PPP1R1C: variants seen among roughly 807,000 people sequenced by gnomAD.
PPP1R1C encodes the protein protein phosphatase 1 regulatory inhibitor subunit 1C, also known as protein phosphatase 1 regulatory subunit 1C.
Under a neutral mutation model 17.4 loss-of-function variants are expected in PPP1R1C, and 15 were observed. The ratio of observed to expected loss-of-function variants is 0.86; its 90% confidence interval spans 0.58 to 1.33. The LOEUF is 1.33. Ranked by LOEUF, PPP1R1C falls within the 40% of genes most tolerant of loss-of-function variation. The pLI, the probability that PPP1R1C is intolerant of heterozygous loss-of-function variation, is 0.00. For synonymous variants in PPP1R1C, 35 were observed against 43.1 expected, an observed-to-expected ratio of 0.81 and a Z score of 0.73; for missense variants, 143 against 130.0, an observed-to-expected ratio of 1.10 and a Z score of -0.48.
At chr2:182,067,863 G>A (rs1219083026) in intron 4 of PPP1R1C, among the ~76,000 whole-genome samples, 1 of 152,040 alleles carries the variant, frequency 6.6e-6, no homozygotes, top group South Asian at 2.1e-4. Context: ...ATTAGTTTCG[G>A]ACACTCAGAG....
At chr2:182,024,458 A>G (rs1483604505) in intron 2 of PPP1R1C, among the ~76,000 whole-genome samples, 2 of 151,816 alleles carry the variant, frequency 1.3e-5, no homozygotes, top group Non-Finnish European at 2.9e-5. Context: ...AATATTCTCT[A>G]TTTTTTCACA....
At chr2:182,121,724 G>C (rs184553613), downstream of PPP1R1C, among the ~76,000 whole-genome samples, 6 of 151,896 alleles carry the variant, frequency 4.0e-5, no homozygotes, top group African/African-American at 1.5e-4. Context: ...GGATGGTCTC[G>C]ATATCCTGAC....
At chr2:182,085,803 C>T (rs921336334) in intron 4 of PPP1R1C, among the ~76,000 whole-genome samples, 3 of 151,998 alleles carry the variant, frequency 2.0e-5, no homozygotes, top group Admixed American at 6.6e-5. Flanking sequence ...TAAAATGGGG[C>T]GGGTGAGCAG....
chr2:182,005,968 G>A (rs752588846), intron 2 of PPP1R1C, among the ~76,000 whole-genome samples: 38 of 152,280 alleles, frequency 2.5e-4, no homozygotes, highest in African/African-American at 7.9e-4. Flanking sequence ...TGGCATCACA[G>A]TATTAGAGCC....
chr2:182,048,377 A>G (rs893504797), intron 2 of PPP1R1C, among the ~76,000 whole-genome samples: 2 of 152,170 alleles, frequency 1.3e-5, no homozygotes, highest in African/African-American at 4.8e-5. Context: ...TGGAAAGGGG[A>G]GAGTTTGATA....
At chr2:182,033,281 C>T (rs1316651509) in intron 2 of PPP1R1C, among the ~76,000 whole-genome samples, 3 of 152,170 alleles carry the variant, frequency 2.0e-5, no homozygotes, top group Non-Finnish European at 4.4e-5. Context: ...GACACCTATA[C>T]TTACTCTCTT....
At chr2:182,060,336 A>T (rs1374075788) in intron 2 of PPP1R1C, among the ~76,000 whole-genome samples, 1 of 151,960 alleles carries the variant, frequency 6.6e-6, no homozygotes, top group Admixed American at 6.6e-5. Context: ...TTATAGAGAA[A>T]TTCTACTACA....
chr2:182,130,678 A>G (rs1378854655), downstream of PPP1R1C: 1 of 152,140 alleles, frequency 6.6e-6, no homozygotes, highest in Non-Finnish European at 1.5e-5. Flanking sequence ...TGCAGCATAT[A>G]TTCTGTGGAT....
chr2:182,021,323 T>TC (rs1686419249), intron 2 of PPP1R1C, among the ~76,000 whole-genome samples: 1 of 5,130 alleles, frequency 1.9e-4, no homozygotes, highest in Non-Finnish European at 5.3e-4. Flanking sequence ...CTCTCTCTCT[T>TC]TTTTTTTTTT....
At chr2:182,096,399 T>C (rs1688937978) in intron 4 of PPP1R1C, among the ~76,000 whole-genome samples, 1 of 152,194 alleles carries the variant, frequency 6.6e-6, no homozygotes, top group East Asian at 1.9e-4. Context: ...TCTGTGGATT[T>C]CTGATTCGTT....
intron 2 of PPP1R1C, among the ~76,000 whole-genome samples, chr2:181,977,298 A>G (rs1685111354): frequency 6.6e-6 from 1 of 151,946 alleles, no homozygotes; most frequent in African/African-American, 2.4e-5. Context: ...TGCTGATCAC[A>G]TGTTTCCTAA....
At chr2:182,127,929 C>A (rs924765401) in intron 5 of PPP1R1C, among the ~76,000 whole-genome samples, 1 of 151,970 alleles carries the variant, frequency 6.6e-6, no homozygotes, top group Non-Finnish European at 1.5e-5. Context: ...ATTCTGTAGA[C>A]ATTTTTGCCA....
intron 4 of PPP1R1C, among the ~76,000 whole-genome samples, chr2:182,069,777 C>G (rs554305721): frequency 6.6e-6 from 1 of 152,238 alleles, no homozygotes; most frequent in African/African-American, 2.4e-5. Flanking sequence ...AACATAACAG[C>G]TTTTAAAATT....
intron 2 of PPP1R1C, among the ~76,000 whole-genome samples, chr2:182,014,224 A>G (rs1686182688): frequency 6.6e-6 from 1 of 152,114 alleles, no homozygotes; most frequent in African/African-American, 2.4e-5. Context: ...GTTGTTATCT[A>G]CCTGGTCACT....
intron 2 of PPP1R1C, among the ~76,000 whole-genome samples, chr2:182,012,527 C>T (rs1210070196): frequency 6.6e-6 from 1 of 151,898 alleles, no homozygotes; most frequent in African/African-American, 2.4e-5. Context: ...TTCTTGTAGG[C>T]AACATAGTTG....
chr2:182,070,380 A>T lies in PPP1R1C; in HGVS notation c.241+6589A>T, dbSNP rs113343533. 2.2e-4 allele frequency among the ~76,000 whole-genome samples: 34 copies of T among 152,344 alleles called. 3 individuals are homozygous for T. The highest frequency in any genetic ancestry group is 3.4e-3 in the Middle Eastern group (1 of 294). On this transcript the variant is annotated intron_variant, in intron 4 of 4. Coordinates refer to ENST00000682840, the MANE Select transcript of PPP1R1C (RefSeq NM_001080545.3). ...AGACTAAATAGGTCTCATTAATGGGACTATGTAGATAATATCACTTTCCAA... is the reference window on the plus strand; with the variant it reads ...AGACTAAATAGGTCTCATTAATGGGTCTATGTAGATAATATCACTTTCCAA...
intron 2 of PPP1R1C, among the ~76,000 whole-genome samples, chr2:181,988,328 T>C (rs967672590): frequency 6.6e-6 from 1 of 152,262 alleles, no homozygotes; most frequent in Non-Finnish European, 1.5e-5. Flanking sequence ...TGACCCAGCG[T>C]TGGCTTCAGC....
chr2:181,962,482 A>G lies in PPP1R1C; in HGVS notation n.111+7848A>G. The G allele has an allele frequency of 1.4e-6, 1 of 693,356 alleles. No homozygotes were observed. The allele number at this position is 693,356 out of a possible 1,614,324, so 43.0% of individuals were successfully genotyped here. A position where few individuals can be genotyped will look rare whatever the true frequency, so the allele number is the denominator to read the frequency against. On this transcript the variant is annotated intron_variant and non_coding_transcript_variant, in intron 1 of 5. Transcript: ENST00000464264. This position sits in a 1 kb window ranked among gnomAD's most constrained non-coding sequence, Gnocchi z 6.0. ...TGGAGCGAGTGGTGAAGCTCATGCT[A>G]TCCAGGGAGGAGAGTGAGAGGACAG...
intron 2 of PPP1R1C, among the ~76,000 whole-genome samples, chr2:181,989,300 A>T (rs1685390084): frequency 6.6e-6 from 1 of 152,072 alleles, no homozygotes; most frequent in Non-Finnish European, 1.5e-5. Flanking sequence ...TCTCATTTGA[A>T]CTCCCAAAAT....
Sources: gnomAD v4.1 joint callset for allele counts (sites outside exome capture counted in the v4.1 genomes callset) on GRCh38, gnomAD v4.1.1 for gene constraint, Gnocchi (gnomAD v3.1) non-coding constraint, MANE v1.5 for transcripts, NCBI Gene and HGNC (gene_info 2026-07-23, HGNC 2026-07-21) for gene names.